Variants in PLIN4 observed in about 807,000 individuals in gnomAD.
PLIN4 encodes perilipin 4, also known as perilipin-4.
In PLIN4, 57 loss-of-function variants were observed where a neutral mutation model predicts 52.4. The observed-to-expected ratio is 1.09, with a 90% CI of 0.88 to 1.36. PLIN4 has a LOEUF of 1.36. PLIN4 is among the 40% of genes most tolerant of loss of function. The pLI is 0.00. For missense variants in PLIN4, 1,757 were observed against 1,770.3 expected, an observed-to-expected ratio of 0.99 and a Z score of 0.13; for synonymous variants, 826 against 785.4, an observed-to-expected ratio of 1.05 and a Z score of -0.86.
rs1975984366 is a variant in PLIN4, at chr19:4,503,344, CACCCG to C, written c.*1110_*1114del. On this transcript the variant is annotated 3_prime_UTR_variant, in exon 8 of 8. Coordinates refer to ENST00000301286, the MANE Select transcript of PLIN4 (RefSeq NM_001367868.2). ...CTGAGCGCAGCCACGGCACGTCTCA[CACCCG>C]ACCTGAGCCTGCCAGCCTCCACGAC... 2 of 152,672 alleles carry C rather than the reference CACCCG, an allele frequency of 1.3e-5. No homozygotes were observed. The highest frequency in any genetic ancestry group is 4.1e-4 in the South Asian group (2 of 4,836). 9.5% of individuals were successfully genotyped at this position (152,672 alleles called of 1,614,324 possible).
chr19:4,513,705 C>T lies in PLIN4; in HGVS notation c.259-4G>A. ...GGTCTTTGGCCCCGGACACCATCTG[C>T]TGAGAAAGGACACAGGTGGATCAAG... On this transcript the variant is annotated splice_polypyrimidine_tract_variant and splice_region_variant and intron_variant, in intron 4 of 7. Coordinates refer to ENST00000301286, the MANE Select transcript of PLIN4 (RefSeq NM_001367868.2). The T allele has an allele frequency of 6.4e-7, 1 of 1,566,934 alleles. No individual in the cohort carries two copies. The highest frequency in any genetic ancestry group is 8.7e-7 in the Non-Finnish European group (1 of 1,155,632).
Position 4,511,163 on chromosome 19 carries a change from T to C in PLIN4, c.2797A>G (p.Ser933Gly), listed in dbSNP as rs1182038918. Residue 933 changes from serine (S) to glycine (G), a missense_variant, in exon 5 of 8, where the codon AGT (serine) becomes GGT (glycine). Physicochemically the swap from Ser to Gly is moderately conservative, Grantham distance 56. Transcript: ENST00000301286. Reference protein sequence around the residue: ...VLTGTKDTVCSGVTGAVNVAK... With the variant: ...VLTGTKDTVCGGVTGAVNVAK... ...ACATTTACGGCACCAGTGACTCCAC[T>C]GCAGACGGTGTCCTTGGTACCGGTC... The C allele has an allele frequency of 6.2e-7, 1 of 1,610,802 alleles. No homozygotes were observed. The highest frequency in any genetic ancestry group is 1.3e-5 in the African/African-American group (1 of 74,828).
At chr19:4,514,062 A>AG (rs1340551856) in intron 4 of PLIN4, among the ~76,000 whole-genome samples, 1 of 152,230 alleles carries the variant, frequency 6.6e-6, no homozygotes, top group Non-Finnish European at 1.5e-5. Context: ...CAGGTCCTAC[A>AG]GTTACATTTC....
intron 2 of PLIN4, among the ~76,000 whole-genome samples, 179 bp from the exon 3 acceptor site, chr19:4,517,877 C>T (rs1480491693): frequency 1.3e-5 from 2 of 152,242 alleles, no homozygotes; most frequent in African/African-American, 4.8e-5. Context: ...CAGACTCAGC[C>T]TGCCTCCCAT....
chr19:4,511,799 T>C lies in PLIN4; in HGVS notation c.2161A>G (p.Thr721Ala), dbSNP rs773937035. The C allele has an allele frequency of 6.2e-7, 1 of 1,603,610 alleles. No homozygotes were observed. Among genetic ancestry groups the C allele is most frequent in the African/African-American group, 1.3e-5 (1 of 74,750 alleles). Residue 721 changes from threonine (T) to alanine (A), a missense_variant, in exon 5 of 8, where the codon ACC (threonine) becomes GCC (alanine). By Grantham distance (58) the Thr-to-Ala change is moderately conservative. Transcript: ENST00000301286. ...AKGTVQTSVD[T>A]TKTVLTGTKD... ...GTACCAGTTAGGACAGTCTTGGTGGTGTCCACACTGGTCTGGACAGTCCCT... is the reference window on the plus strand; with the variant it reads ...GTACCAGTTAGGACAGTCTTGGTGGCGTCCACACTGGTCTGGACAGTCCCT...
chr19:4,512,752 A>C lies in PLIN4; in HGVS notation c.1208T>G (p.Met403Arg). 1.3e-6 allele frequency: 2 copies of C among 1,560,036 alleles called. No individual in the cohort carries two copies. The highest frequency in any genetic ancestry group is 8.6e-7 in the Non-Finnish European group (1 of 1,158,858). Reference sequence around the variant, plus strand: ...CGCTGCCCCTGTGAGCCCAGTGGACATCGTGTCTTTCGTACCCATGACCAT... The same window carrying C: ...CGCTGCCCCTGTGAGCCCAGTGGACCTCGTGTCTTTCGTACCCATGACCAT... Reference protein sequence around the residue: ...KSMVMGTKDTMSTGLTGAANV... With the variant: ...KSMVMGTKDTRSTGLTGAANV... The change falls in exon 5 of 8, where the codon ATG (methionine) becomes AGG (arginine). Residue 403 changes from methionine to arginine, a missense_variant. Met to Arg is a moderately conservative substitution (Grantham distance 91, BLOSUM62 -1). Transcript: ENST00000301286.
At chr19:4,507,792 G>A (rs570904081) in intron 6 of PLIN4, among the ~76,000 whole-genome samples, 28 of 152,110 alleles carry the variant, frequency 1.8e-4, no homozygotes, top group Non-Finnish European at 3.7e-4. Context: ...GACTGGGGAC[G>A]GGGAGACTGG....
chr19:4,513,798 A>G, intron 4 of PLIN4, 97 bp from the exon 5 acceptor site: 1 of 1,401,728 alleles, frequency 7.1e-7, no homozygotes, highest in South Asian at 1.5e-5. Flanking sequence ...CTTTGGGGCA[A>G]GGAACTGCAG....
intron 6 of PLIN4, among the ~76,000 whole-genome samples, chr19:4,506,059 T>G (rs1334890990): frequency 1.3e-5 from 2 of 152,028 alleles, no homozygotes; most frequent in East Asian, 3.9e-4. Flanking sequence ...TGCCTGGGTT[T>G]ACGTCCCACT....
At position 4,513,842 on chromosome 19, in the gene PLIN4, C is replaced by G. The variant is rs953613363; in HGVS notation, c.259-141G>C. 10 of 1,088,810 alleles carry G rather than the reference C, an allele frequency of 9.2e-6. 1 individual carries two copies. In the East Asian group the frequency reaches 2.1e-4, roughly 23 times the overall value. 67.4% of individuals were successfully genotyped at this position (1,088,810 alleles called of 1,614,324 possible). A position where few individuals can be genotyped will look rare whatever the true frequency, so the allele number is the denominator to read the frequency against. On this transcript the variant is annotated intron_variant, in intron 4 of 7. Coordinates refer to ENST00000301286, the MANE Select transcript of PLIN4 (RefSeq NM_001367868.2). ...AGGCCCCACCTCCTCAAAAAGCAAG[C>G]TGCTTCCTCCTCACCCCGACCCCGG... is the stretch of plus-strand genomic sequence containing the variant.
chr19:4,516,537 TAGC>T, intron 4 of PLIN4, 77 bp downstream of exon 4: 1 of 1,487,748 alleles, frequency 6.7e-7, no homozygotes, highest in South Asian at 1.2e-5. Context: ...GCCCCCCAGA[TAGC>T]AGGAACTGAA....
intron 5 of PLIN4, 90 bp from the exon 6 acceptor site, chr19:4,509,045 C>T: frequency 7.6e-7 from 1 of 1,308,098 alleles, no homozygotes; most frequent in South Asian, 1.5e-5. Context: ...CGCGGCGGTT[C>T]CCGCCTGTGA....
rs1976647813 is a variant in PLIN4, at chr19:4,518,421, G to C, written c.-54C>G. 8.1e-7 allele frequency: 1 copy of C among 1,228,698 alleles called. No individual in the cohort carries two copies. The highest frequency in any genetic ancestry group is 4.2e-5 in the South Asian group (1 of 23,666). The allele number at this position is 1,228,698 out of a possible 1,614,324, so 76.1% of individuals were successfully genotyped here. A position where few individuals can be genotyped will look rare whatever the true frequency, so the allele number is the denominator to read the frequency against. On this transcript the variant is annotated 5_prime_UTR_variant, in exon 1 of 8. Transcript: ENST00000301286. ...GCCTCACCCTGGTGTCACCGAAGCA[G>C]ACGCGGCCCCGCTCACCTGGACTGC...
chr19:4,511,873 G>C lies in PLIN4; in HGVS notation c.2087C>G (p.Thr696Ser). 6.2e-7 allele frequency: 1 copy of C among 1,609,448 alleles called. No individual in the cohort carries two copies. The highest frequency in any genetic ancestry group is 8.5e-7 in the Non-Finnish European group (1 of 1,176,200). ...GAGCCCAGTAGTGACTGTGTCCTTG[G>C]TGCCGGTCAGCACGGTCTTGGCCGT... ...VDTAKTVLTG[T>S]KDTVTTGLMG... Residue 696 changes from threonine (T) to serine (S), a missense_variant, in exon 5 of 8, where the codon ACC becomes AGC. Coordinates refer to ENST00000301286, the MANE Select transcript of PLIN4 (RefSeq NM_001367868.2).
chr19:4,503,511 G>T lies in PLIN4; in HGVS notation c.*948C>A, dbSNP rs931678309. 1 of 152,540 alleles carries T rather than the reference G, an allele frequency of 6.6e-6. No individual in the cohort carries two copies. Among genetic ancestry groups the T allele is most frequent in the Admixed American group, 6.5e-5 (1 of 15,286 alleles). 9.4% of individuals were successfully genotyped at this position (152,540 alleles called of 1,614,324 possible). A position where few individuals can be genotyped will look rare whatever the true frequency, so the allele number is the denominator to read the frequency against. On this transcript the variant is annotated 3_prime_UTR_variant, in exon 8 of 8. Coordinates refer to ENST00000301286, the MANE Select transcript of PLIN4 (RefSeq NM_001367868.2). ...GCCTGAGGACCCAGGGGGAGTGTGC[G>T]GCGGAGGAAGGGCTGTGCCATAGGC...
At chr19:4,513,726 T>C in intron 4 of PLIN4, 25 bp from the exon 5 acceptor site, 1 of 1,550,462 alleles carries the variant, frequency 6.4e-7, no homozygotes, top group Admixed American at 1.9e-5. Flanking sequence ...CACAGGTGGA[T>C]CAAGAGAAGG....
In PLIN4 at chr19:4,518,286, G is replaced by A. The variant is rs1976644062; in HGVS notation, c.-14C>T. Reference sequence around the variant, plus strand: ...TGGAGCAGACATAGTGAGAACGTGAGAAGCTGGAAGGGGGCAGAGAAGGTG... The same window carrying A: ...TGGAGCAGACATAGTGAGAACGTGAAAAGCTGGAAGGGGGCAGAGAAGGTG... On this transcript the variant is annotated 5_prime_UTR_variant, in exon 2 of 8. Transcript: ENST00000301286. The A allele has an allele frequency of 8.1e-7, 1 of 1,232,634 alleles. No homozygotes were observed. The highest frequency in any genetic ancestry group is 1.0e-6 in the Non-Finnish European group (1 of 988,406). 76.4% of individuals were successfully genotyped at this position (1,232,634 alleles called of 1,614,324 possible). A position where few individuals can be genotyped will look rare whatever the true frequency, so the allele number is the denominator to read the frequency against.
chr19:4,506,035 G>A (rs1419737887), intron 6 of PLIN4, among the ~76,000 whole-genome samples: 1 of 152,116 alleles, frequency 6.6e-6, no homozygotes. Flanking sequence ...TGACTCCTGA[G>A]GCCCGGCAGC....
intron 6 of PLIN4, among the ~76,000 whole-genome samples, chr19:4,505,758 G>C (rs1384730051): frequency 1.3e-5 from 2 of 151,790 alleles, no homozygotes; most frequent in Non-Finnish European, 2.9e-5. Flanking sequence ...CCCTCGCCGC[G>C]CCAGTGCTGG....
Sources: allele counts gnomAD v4.1 joint callset (sites outside exome capture counted in the v4.1 genomes callset), GRCh38; gene constraint gnomAD v4.1.1; transcripts MANE v1.5; gene names NCBI Gene and HGNC (gene_info 2026-07-23, HGNC 2026-07-21).